CNTNAP5: variants seen among roughly 807,000 people sequenced by gnomAD.
CNTNAP5 encodes the protein contactin associated protein family member 5.
Under a neutral mutation model 150.2 loss-of-function variants are expected in CNTNAP5, and 72 were observed. That is an observed-to-expected ratio of 0.48 (90% CI 0.40 to 0.58). CNTNAP5 has a LOEUF of 0.58. Among genes scored for constraint, CNTNAP5 ranks in the 20% least tolerant of loss-of-function variants. The pLI, the probability that CNTNAP5 is intolerant of heterozygous loss-of-function variation, is 0.00. For missense variants in CNTNAP5, 1,636 were observed against 1,626.2 expected (o/e 1.01, Z -0.10); for synonymous variants, 672 against 619.8 (o/e 1.08, Z -1.25).
intron 3 of CNTNAP5, among the ~76,000 whole-genome samples, chr2:124,307,805 A>G (rs1351227555): frequency 1.3e-5 from 2 of 152,116 alleles, no homozygotes; most frequent in African/African-American, 4.8e-5. Flanking sequence ...AGTTGTTGAT[A>G]CTCACTGCTT....
At chr2:124,860,791 C>A (rs1403484828) in intron 19 of CNTNAP5, among the ~76,000 whole-genome samples, 1 of 151,732 alleles carries the variant, frequency 6.6e-6, no homozygotes, top group African/African-American at 2.4e-5. Flanking sequence ...TTTACAGAGG[C>A]CAGGGAGGGC....
At chr2:124,430,457 A>G (rs1161109064) in intron 4 of CNTNAP5, among the ~76,000 whole-genome samples, 1 of 152,230 alleles carries the variant, frequency 6.6e-6, no homozygotes, top group East Asian at 1.9e-4. Context: ...AGCCCCACAC[A>G]TACATGCATA....
chr2:124,402,418 C>T (rs1392812319), intron 3 of CNTNAP5, among the ~76,000 whole-genome samples: 3 of 152,284 alleles, frequency 2.0e-5, no homozygotes, highest in African/African-American at 7.2e-5. Context: ...GAGTCGATAG[C>T]GACTCCCTGA....
chr2:124,390,107 G>A, intron 3 of CNTNAP5, among the ~76,000 whole-genome samples: 1 of 152,124 alleles, frequency 6.6e-6, no homozygotes, highest in East Asian at 1.9e-4. Context: ...CACGATCAAT[G>A]ATAACAAAAG....
chr2:124,691,047 A>G (rs2105079148), intron 13 of CNTNAP5, among the ~76,000 whole-genome samples: 1 of 151,946 alleles, frequency 6.6e-6, no homozygotes, highest in East Asian at 1.9e-4. Context: ...TACAGGGGAA[A>G]CTCCATTTTT....
intron 1 of CNTNAP5, among the ~76,000 whole-genome samples, chr2:124,148,424 G>A (rs977401397): frequency 4.8e-5 from 7 of 146,280 alleles, no homozygotes; most frequent in African/African-American, 1.8e-4. Context: ...ACTAGTGGTG[G>A]TTTTGTTTCC....
chr2:124,160,938 G>T (rs868422081), intron 1 of CNTNAP5, among the ~76,000 whole-genome samples: 2 of 152,086 alleles, frequency 1.3e-5, no homozygotes, highest in South Asian at 2.1e-4. Context: ...ACTATATCCT[G>T]CCAGTTTCAC....
intron 19 of CNTNAP5, among the ~76,000 whole-genome samples, chr2:124,859,539 C>T (rs1359600087): frequency 2.0e-5 from 3 of 152,184 alleles, no homozygotes; most frequent in East Asian, 3.9e-4. Context: ...TACCATTTGA[C>T]CCAGCCGTCC....
chr2:124,665,445 C>T (rs955342823), intron 13 of CNTNAP5, among the ~76,000 whole-genome samples: 2 of 152,198 alleles, frequency 1.3e-5, no homozygotes, highest in Non-Finnish European at 2.9e-5. Context: ...ATGTCAACAT[C>T]AACTGACGAG....
intron 7 of CNTNAP5, among the ~76,000 whole-genome samples, chr2:124,481,671 T>C (rs1467423714): frequency 6.6e-6 from 1 of 152,210 alleles, no homozygotes; most frequent in Non-Finnish European, 1.5e-5. Flanking sequence ...CTTTTTAAAG[T>C]ATTTTCAATG....
chr2:124,088,655 G>C (rs1384403335), intron 1 of CNTNAP5, among the ~76,000 whole-genome samples: 1 of 151,844 alleles, frequency 6.6e-6, no homozygotes, highest in Admixed American at 6.6e-5. Context: ...AAAAATCCAA[G>C]CATTCTATTC....
At chr2:124,546,032 T>C (rs1695503848) in intron 10 of CNTNAP5, among the ~76,000 whole-genome samples, 1 of 152,114 alleles carries the variant, frequency 6.6e-6, no homozygotes. Flanking sequence ...TTTAATGCAG[T>C]TGTTTGGACC....
At chr2:124,575,051 T>C (rs1002081414) in intron 11 of CNTNAP5, among the ~76,000 whole-genome samples, 3 of 152,052 alleles carry the variant, frequency 2.0e-5, no homozygotes, top group African/African-American at 7.2e-5. Context: ...AGATTTCTTC[T>C]CATGTATTTA....
intron 18 of CNTNAP5, among the ~76,000 whole-genome samples, chr2:124,795,901 G>A (rs1404328211): frequency 6.6e-6 from 1 of 151,914 alleles, no homozygotes; most frequent in Non-Finnish European, 1.5e-5. Context: ...GATGCTCAAG[G>A]GGTGTTGTTG....
intron 13 of CNTNAP5, chr2:124,680,834 C>A (rs77293038): frequency 9.7e-4 from 147 of 151,810 alleles, no homozygotes; most frequent in African/African-American, 3.2e-3. Flanking sequence ...TGGGTATGAA[C>A]CTTTTTTGTG....
chr2:124,119,339 G>T (rs1683504633), intron 1 of CNTNAP5, among the ~76,000 whole-genome samples: 1 of 140,880 alleles, frequency 7.1e-6, no homozygotes. Context: ...TTTTTAGAAT[G>T]AACATTTCTT....
At chr2:124,434,446 G>T (rs756086464) in intron 4 of CNTNAP5, 38 bp from the exon 5 acceptor site, 1 of 1,436,728 alleles carries the variant, frequency 7.0e-7, no homozygotes, top group South Asian at 1.1e-5. Context: ...ATGAGAATAT[G>T]CACTAATTTT....
intron 3 of CNTNAP5, among the ~76,000 whole-genome samples, chr2:124,254,333 A>G (rs775471130): frequency 6.6e-6 from 1 of 152,272 alleles, no homozygotes; most frequent in Admixed American, 6.5e-5. Flanking sequence ...GTATTTTCCT[A>G]GGCCTGAGGC....
intron 7 of CNTNAP5, among the ~76,000 whole-genome samples, chr2:124,491,421 G>A (rs1694022938): frequency 7.1e-6 from 1 of 140,662 alleles, no homozygotes; most frequent in Admixed American, 7.6e-5. Context: ...TCTTATTTAT[G>A]TATGTGTGTT....
Sources: allele counts gnomAD v4.1 joint callset (sites outside exome capture counted in the v4.1 genomes callset), GRCh38; gene constraint gnomAD v4.1.1; transcripts MANE v1.5; gene names NCBI Gene and HGNC (gene_info 2026-07-23, HGNC 2026-07-21).